BFSP2: variants seen among roughly 807,000 people sequenced by gnomAD.
The protein encoded by BFSP2 is phakinin.
A neutral mutation model predicts 44.9 loss-of-function variants in BFSP2; 38 were observed. The observed-to-expected ratio is 0.85, with a 90% CI of 0.65 to 1.11. The LOEUF (loss-of-function observed/expected upper bound fraction) is 1.11. BFSP2 is among the 50% of genes least tolerant of loss of function. BFSP2 has a pLI of 0.00. For synonymous variants in BFSP2, 197 were observed against 209.9 expected (o/e 0.94, Z 0.53); for missense variants, 525 against 533.0 (o/e 0.99, Z 0.15).
intron 1 of BFSP2, among the ~76,000 whole-genome samples, chr3:133,404,060 C>T (rs1576554838): frequency 6.6e-6 from 1 of 152,044 alleles, no homozygotes; most frequent in African/African-American, 2.4e-5. Context: ...CATGGGTGCA[C>T]CACCAGTGAA....
At chr3:133,431,163 A>G (rs887714620) in intron 1 of BFSP2, among the ~76,000 whole-genome samples, 2 of 152,144 alleles carry the variant, frequency 1.3e-5, no homozygotes, top group Admixed American at 6.5e-5. Flanking sequence ...TATACATTTT[A>G]TTACCCAATC....
At chr3:133,450,837 C>T (rs559205415) in intron 4 of BFSP2, among the ~76,000 whole-genome samples, 3 of 152,268 alleles carry the variant, frequency 2.0e-5, no homozygotes, top group East Asian at 1.9e-4. Flanking sequence ...TGAGGCCGGG[C>T]GTGGTAGCTC....
chr3:133,436,483 G>C (rs1437279361), intron 1 of BFSP2, among the ~76,000 whole-genome samples: 2 of 152,080 alleles, frequency 1.3e-5, no homozygotes, highest in African/African-American at 4.8e-5. Context: ...ACAAGAGAGA[G>C]CATAAGCTCT....
At chr3:133,416,308 C>T (rs1442711021) in intron 1 of BFSP2, among the ~76,000 whole-genome samples, 1 of 144,414 alleles carries the variant, frequency 6.9e-6, no homozygotes, top group Non-Finnish European at 1.5e-5. Context: ...ACTCTGTCCT[C>T]TCCCCTCTAC....
intron 1 of BFSP2, among the ~76,000 whole-genome samples, chr3:133,414,740 T>C (rs372803425): frequency 0.28 from 708 of 2,516 alleles, 18 homozygotes; most frequent in Middle Eastern, 0.38. Context: ...ACCCCTGCCA[T>C]TTCCCCTCTA....
chr3:133,424,039 CT>C (rs148089425), intron 1 of BFSP2, among the ~76,000 whole-genome samples: 135 of 140,954 alleles, frequency 9.6e-4, no homozygotes, highest in South Asian at 2.5e-3. Context: ...TTCTCTTCTG[CT>C]TTTTTTTTTT....
intron 6 of BFSP2, among the ~76,000 whole-genome samples, chr3:133,474,038 C>A (rs1410453075): frequency 1.3e-5 from 2 of 152,134 alleles, no homozygotes; most frequent in African/African-American, 2.4e-5. Flanking sequence ...GGGGTTGGGA[C>A]TAGGAGTTGA....
At chr3:133,458,140 C>T (rs1196178123) in intron 4 of BFSP2, among the ~76,000 whole-genome samples, 2 of 152,214 alleles carry the variant, frequency 1.3e-5, no homozygotes, top group Non-Finnish European at 2.9e-5. Flanking sequence ...CCCATATCTT[C>T]ACCAATACTT....
At chr3:133,425,849 G>GAAGGGAAAT (rs879506132) in intron 1 of BFSP2, among the ~76,000 whole-genome samples, 10,768 of 117,396 alleles carry the variant, frequency 0.092, 1,440 homozygotes, top group African/African-American at 0.21. Context: ...ATAAAGAAGG[G>GAAGGGAAAT]AAAGGAAGGG....
At chr3:133,464,529 T>G (rs2074091811) in intron 4 of BFSP2, among the ~76,000 whole-genome samples, 1 of 152,272 alleles carries the variant, frequency 6.6e-6, no homozygotes, top group Admixed American at 6.5e-5. Context: ...AGTATTTAAC[T>G]ATTACTATTT....
intron 1 of BFSP2, chr3:133,410,941 T>A (rs773693251): frequency 6.6e-6 from 1 of 152,610 alleles, no homozygotes; most frequent in Non-Finnish European, 1.5e-5. Flanking sequence ...TAGTAAAGAA[T>A]GTAAAAGTTT....
intron 1 of BFSP2, among the ~76,000 whole-genome samples, chr3:133,426,148 C>G (rs1392360330): frequency 6.6e-6 from 1 of 151,838 alleles, no homozygotes; most frequent in African/African-American, 2.4e-5. Context: ...CTGGATTCCT[C>G]TTAGACTCCC....
chr3:133,425,762 GATGGGA>G lies in BFSP2; in HGVS notation c.490-21553_490-21548del, dbSNP rs1208831403. 1.8e-4 allele frequency among the ~76,000 whole-genome samples: 16 copies of G among 87,950 alleles called. 1 individual carries two copies. The highest frequency in any genetic ancestry group is 1.1e-3 in the African/African-American group (14 of 13,018). The allele number at this position is 87,950 out of a possible 152,430, so 57.7% of individuals were successfully genotyped here. ...AGTTGAAATCTAAGCAGGACAAAGG[GATGGGA>G]AAGGGAAAGGGAAAGGGAAGGGAAG... On this transcript the variant is annotated intron_variant, in intron 1 of 6. Transcript: ENST00000302334.
At chr3:133,446,076 T>G (rs1218168104) in intron 1 of BFSP2, among the ~76,000 whole-genome samples, 1 of 152,148 alleles carries the variant, frequency 6.6e-6, no homozygotes, top group Non-Finnish European at 1.5e-5. Context: ...TGCTCCCCAG[T>G]GTGCCCCAGG....
rs186014171 is a variant in BFSP2, at chr3:133,426,096, G to A, written c.490-21221G>A. ...AGTTAGTGTCACAGCATCTGGGTCC[G>A]GCTAACATTAAAGTCAGATTCTTTC... On this transcript the variant is annotated intron_variant, in intron 1 of 6. Transcript: ENST00000302334. Among the ~76,000 whole-genome samples, 61 of 147,064 alleles carry A rather than the reference G, an allele frequency of 4.1e-4. 2 individuals carry two copies. Among genetic ancestry groups the A allele is most frequent in the African/African-American group, 1.4e-3 (57 of 39,848 alleles).
intron 2 of BFSP2, among the ~76,000 whole-genome samples, chr3:133,447,613 G>C (rs1455845833): frequency 6.6e-6 from 1 of 152,104 alleles, no homozygotes; most frequent in African/African-American, 2.4e-5. Flanking sequence ...AGTTGGTTTA[G>C]AGCAGGGTTC....
chr3:133,426,059 G>C (rs1046331990), intron 1 of BFSP2, among the ~76,000 whole-genome samples: 1 of 150,766 alleles, frequency 6.6e-6, no homozygotes, highest in African/African-American at 2.4e-5. Flanking sequence ...TTCCTTGTCA[G>C]ATATTGTTTT....
intron 4 of BFSP2, among the ~76,000 whole-genome samples, chr3:133,459,503 G>A (rs1294207957): frequency 1.3e-5 from 2 of 152,310 alleles, no homozygotes; most frequent in African/African-American, 4.8e-5. Flanking sequence ...CAGCTCCAAC[G>A]GAGGCTGGGA....
rs147940591 is a variant in BFSP2, at chr3:133,451,845, T to C, written c.891+1381T>C. ...GGAATTAACCAGAAAATAGGATGCA[T>C]AGGGTTTGTTCTTCCCTTCTCCATC... On this transcript the variant is annotated intron_variant, in intron 4 of 6. Coordinates refer to ENST00000302334, the MANE Select transcript of BFSP2 (RefSeq NM_003571.4). 5.5e-3 allele frequency among the ~76,000 whole-genome samples: 834 copies of C among 152,296 alleles called. 25 individuals are homozygous for C. Among genetic ancestry groups the C allele is most frequent in the Admixed American group, 0.048 (731 of 15,302 alleles).
Sources: gnomAD v4.1 joint callset for allele counts (sites outside exome capture counted in the v4.1 genomes callset) on GRCh38, gnomAD v4.1.1 for gene constraint, MANE v1.5 for transcripts, NCBI Gene and HGNC (gene_info 2026-07-23, HGNC 2026-07-21) for gene names.